The following QTMAN variants were observed in gnomAD, a reference collection of about 807,000 sequenced individuals.
QTMAN encodes queuosine-tRNA mannosyltransferase, also known as tRNA-queuosine alpha-mannosyltransferase.
At chr2:144,309,297 A>C in the QTMAN span, among the ~76,000 whole-genome samples, 18 of 152,320 alleles carry the variant, frequency 1.2e-4, no homozygotes, top group Admixed American at 9.8e-4. Flanking sequence ...GCCTATTTCC[A>C]CAAAGGCTCG....
At chr2:143,962,200 C>T in the QTMAN span, among the ~76,000 whole-genome samples, 3 of 151,934 alleles carry the variant, frequency 2.0e-5, no homozygotes, top group East Asian at 5.8e-4. Context: ...TGCTTTGCAA[C>T]TGATGGAATG....
At chr2:144,278,810 T>C in the QTMAN span, among the ~76,000 whole-genome samples, 2 of 152,154 alleles carry the variant, frequency 1.3e-5, no homozygotes, top group Non-Finnish European at 2.9e-5. Context: ...GTATGCCCTG[T>C]AGAGTCAAGT....
At chr2:143,990,945 A>C in the QTMAN span, among the ~76,000 whole-genome samples, 1 of 152,234 alleles carries the variant, frequency 6.6e-6, no homozygotes, top group African/African-American at 2.4e-5. Flanking sequence ...AAGTCACAGA[A>C]AGAAATTTGA....
At chr2:144,189,984 G>A in the QTMAN span, among the ~76,000 whole-genome samples, 1 of 152,146 alleles carries the variant, frequency 6.6e-6, no homozygotes, top group Non-Finnish European at 1.5e-5. Context: ...TATAGTAAAT[G>A]TATTTTAACA....
At chr2:144,310,300 A>C in the QTMAN span, among the ~76,000 whole-genome samples, 54 of 152,306 alleles carry the variant, frequency 3.5e-4, no homozygotes, top group African/African-American at 1.2e-3. Context: ...TAGTAAATGG[A>C]GTCAAAAACT....
At chr2:144,015,428 G>A in the QTMAN span, among the ~76,000 whole-genome samples, 1 of 151,998 alleles carries the variant, frequency 6.6e-6, no homozygotes, top group Non-Finnish European at 1.5e-5. Context: ...CTTTCTCAGT[G>A]CCCAGGTAAC....
chr2:144,321,407 TGTTA>T, the QTMAN span, among the ~76,000 whole-genome samples: 2 of 152,350 alleles, frequency 1.3e-5, no homozygotes, highest in African/African-American at 4.8e-5. Context: ...CACAAAAAGA[TGTTA>T]ATTAGTCCAT....
At chr2:144,312,408 G>A in the QTMAN span, among the ~76,000 whole-genome samples, 1 of 152,004 alleles carries the variant, frequency 6.6e-6, no homozygotes, top group Non-Finnish European at 1.5e-5. Context: ...TCCTTGGCAG[G>A]ATCCATCCAG....
At chr2:144,194,625 G>A in the QTMAN span, among the ~76,000 whole-genome samples, 2 of 152,172 alleles carry the variant, frequency 1.3e-5, no homozygotes, top group East Asian at 3.9e-4. Flanking sequence ...TACATTAGTC[G>A]GTAAGACAAA....
At chr2:144,200,185 T>C in the QTMAN span, among the ~76,000 whole-genome samples, 83 of 152,306 alleles carry the variant, frequency 5.4e-4, no homozygotes, top group African/African-American at 1.9e-3. Context: ...CCAGTAGTAT[T>C]TGTGACCAAA....
the QTMAN span, among the ~76,000 whole-genome samples, chr2:144,320,340 G>C: frequency 1.3e-5 from 2 of 152,052 alleles, no homozygotes; most frequent in Non-Finnish European, 2.9e-5. Flanking sequence ...TTGGTGAGTA[G>C]GTAACATGAT....
the QTMAN span, among the ~76,000 whole-genome samples, chr2:144,267,514 AGCCAGATT>A: frequency 1.6e-4 from 24 of 152,198 alleles, no homozygotes; most frequent in African/African-American, 5.5e-4. Context: ...GTGGGACAAA[AGCCAGATT>A]GCAAGGAGTT....
At chr2:144,070,643 C>T in the QTMAN span, among the ~76,000 whole-genome samples, 1 of 152,088 alleles carries the variant, frequency 6.6e-6, no homozygotes, top group Non-Finnish European at 1.5e-5. Flanking sequence ...ACACAATAGA[C>T]CATCTCAGGG....
chr2:144,131,904 C>T, the QTMAN span, among the ~76,000 whole-genome samples: 1 of 151,834 alleles, frequency 6.6e-6, no homozygotes, highest in Middle Eastern at 3.2e-3. Flanking sequence ...AAGTAATGTA[C>T]ATAAAGTGTG....
chr2:144,109,045 A>G, the QTMAN span, among the ~76,000 whole-genome samples: 169 of 152,340 alleles, frequency 1.1e-3, 2 homozygotes, highest in African/African-American at 3.9e-3. Flanking sequence ...CTTTCTTCAC[A>G]GAATTGGAAA....
the QTMAN span, chr2:143,952,803 T>C: frequency 1.8e-4 from 286 of 1,609,418 alleles, no homozygotes; most frequent in Non-Finnish European, 2.3e-4. Flanking sequence ...ACCAAATCTT[T>C]AGGACAAAGT....
the QTMAN span, among the ~76,000 whole-genome samples, chr2:144,148,275 A>G: frequency 6.6e-6 from 1 of 151,826 alleles, no homozygotes; most frequent in Admixed American, 6.6e-5. Flanking sequence ...AAATGCTACT[A>G]CTAATAATAA....
At chr2:144,162,798 G>T in the QTMAN span, among the ~76,000 whole-genome samples, 1 of 152,158 alleles carries the variant, frequency 6.6e-6, no homozygotes, top group African/African-American at 2.4e-5. Flanking sequence ...GAGCAGGTGT[G>T]CATCTGAAGC....
the QTMAN span, among the ~76,000 whole-genome samples, chr2:144,282,082 A>AC: frequency 6.6e-6 from 1 of 152,132 alleles, no homozygotes; most frequent in Admixed American, 6.5e-5. Context: ...GGCTAGCTTC[A>AC]CAGCTACCAA....
Sources: gnomAD v4.1 joint callset for allele counts (sites outside exome capture counted in the v4.1 genomes callset) on GRCh38, gnomAD v4.1.1 for gene constraint, MANE v1.5 for transcripts, NCBI Gene and HGNC (gene_info 2026-07-23, HGNC 2026-07-21) for gene names.